The following SEMA5B variants were observed in gnomAD, a reference collection of about 807,000 sequenced individuals.
SEMA5B encodes the protein semaphorin-5B.
A neutral mutation model predicts 135.0 loss-of-function variants in SEMA5B; 66 were observed. The ratio of observed to expected loss-of-function variants is 0.49; its 90% CI spans 0.40 to 0.60. SEMA5B has a LOEUF of 0.60. Ranked by LOEUF, SEMA5B falls within the 20% of genes least tolerant of loss-of-function variation. SEMA5B has a pLI of 0.00. For missense variants in SEMA5B, 1,501 were observed against 1,566.3 expected, an observed-to-expected ratio of 0.96 and a Z score of 0.70; for synonymous variants, 690 against 639.5, an observed-to-expected ratio of 1.08 and a Z score of -1.19.
chr3:122,944,946 A>T (rs566095204), intron 3 of SEMA5B, among the ~76,000 whole-genome samples: 1 of 152,180 alleles, frequency 6.6e-6, no homozygotes, highest in Non-Finnish European at 1.5e-5. Flanking sequence ...TTCTCCCCAC[A>T]GTGCCTTAGC....
At chr3:123,025,626 T>G (rs1242617718) in intron 1 of SEMA5B, among the ~76,000 whole-genome samples, 2 of 152,014 alleles carry the variant, frequency 1.3e-5, no homozygotes, top group Admixed American at 6.6e-5. Flanking sequence ...CCCAAACTGG[T>G]GGTGATAGGT....
chr3:123,013,366 C>T (rs1163755343), intron 1 of SEMA5B, among the ~76,000 whole-genome samples: 1 of 152,204 alleles, frequency 6.6e-6, no homozygotes, highest in Non-Finnish European at 1.5e-5. Context: ...GGCTCCAGCT[C>T]GCTAGTCCAC....
intron 1 of SEMA5B, among the ~76,000 whole-genome samples, chr3:122,981,170 T>C (rs1308337840): frequency 6.6e-6 from 1 of 152,236 alleles, no homozygotes; most frequent in Non-Finnish European, 1.5e-5. Flanking sequence ...CCTCCACGAA[T>C]CCCAGGGGAC....
intron 1 of SEMA5B, among the ~76,000 whole-genome samples, chr3:122,976,332 G>A (rs1044156699): frequency 4.6e-5 from 7 of 152,036 alleles, no homozygotes; most frequent in Admixed American, 1.3e-4. Flanking sequence ...CAGCCCTCCA[G>A]ACTCTATTGC....
At chr3:123,025,615 T>G (rs951152447) in intron 1 of SEMA5B, among the ~76,000 whole-genome samples, 1 of 152,094 alleles carries the variant, frequency 6.6e-6, no homozygotes, top group Non-Finnish European at 1.5e-5. Context: ...TGCCATTCCT[T>G]CCCAAACTGG....
chr3:123,021,432 C>T (rs141818773), intron 1 of SEMA5B, among the ~76,000 whole-genome samples: 26 of 152,342 alleles, frequency 1.7e-4, no homozygotes, highest in South Asian at 2.1e-4. Context: ...CAGCTACTCA[C>T]TACAGATATA....
At chr3:122,966,711 C>A (rs897648872) in intron 1 of SEMA5B, among the ~76,000 whole-genome samples, 1 of 150,466 alleles carries the variant, frequency 6.6e-6, no homozygotes, top group Non-Finnish European at 1.5e-5. Flanking sequence ...CCCGCCACCG[C>A]GCCCAGCTAA....
chr3:122,912,436 G>A, intron 18 of SEMA5B, 94 bp from the exon 19 acceptor site: 5 of 1,213,002 alleles, frequency 4.1e-6, no homozygotes, highest in Non-Finnish European at 4.5e-6. Context: ...TCTGCCCTGA[G>A]CCACAGTGAC....
chr3:122,984,143 T>C (rs76012907), intron 1 of SEMA5B, among the ~76,000 whole-genome samples: 5,850 of 152,282 alleles, frequency 0.038, 295 homozygotes, highest in East Asian at 0.21. Context: ...TCTTCTCTTC[T>C]CCTTCACTGT....
At chr3:122,983,869 G>A (rs974174167) in intron 1 of SEMA5B, among the ~76,000 whole-genome samples, 2 of 152,022 alleles carry the variant, frequency 1.3e-5, no homozygotes, top group Non-Finnish European at 2.9e-5. Flanking sequence ...TAATGTTAGT[G>A]TTGTGATTAT....
intron 1 of SEMA5B, among the ~76,000 whole-genome samples, chr3:122,987,821 T>A (rs1941748672): frequency 6.6e-6 from 1 of 152,170 alleles, no homozygotes; most frequent in African/African-American, 2.4e-5. Context: ...AGTAGTGAGT[T>A]TTGTTGGGGT....
chr3:123,010,964 C>T (rs1417913809), intron 1 of SEMA5B, among the ~76,000 whole-genome samples: 1 of 152,196 alleles, frequency 6.6e-6, no homozygotes, highest in Non-Finnish European at 1.5e-5. Flanking sequence ...GCCACGGGCT[C>T]TCTCACTGAG....
intron 1 of SEMA5B, among the ~76,000 whole-genome samples, chr3:123,003,008 G>A (rs768428450): frequency 3.9e-5 from 6 of 152,090 alleles, no homozygotes; most frequent in Non-Finnish European, 5.9e-5. Context: ...CCCAGTGACC[G>A]TGATAGGTAA....
chr3:123,014,970 A>C (rs1027662949), intron 1 of SEMA5B, among the ~76,000 whole-genome samples: 8 of 152,198 alleles, frequency 5.3e-5, no homozygotes, highest in African/African-American at 1.9e-4. Flanking sequence ...TCCTTATAAA[A>C]AGGAAAAATT....
At chr3:122,994,900 T>C (rs912739557) in intron 1 of SEMA5B, among the ~76,000 whole-genome samples, 1 of 152,218 alleles carries the variant, frequency 6.6e-6, no homozygotes, top group Non-Finnish European at 1.5e-5. Flanking sequence ...TATTTCTTCT[T>C]CTACTGAATC....
At chr3:123,006,005 T>C (rs1942299861) in intron 1 of SEMA5B, among the ~76,000 whole-genome samples, 1 of 152,206 alleles carries the variant, frequency 6.6e-6, no homozygotes, top group Admixed American at 6.5e-5. Flanking sequence ...CTCAACTTCC[T>C]CCTGAGATGG....
At chr3:122,986,627 T>TG (rs1553782998) in intron 1 of SEMA5B, among the ~76,000 whole-genome samples, 1 of 107,274 alleles carries the variant, frequency 9.3e-6, no homozygotes, top group South Asian at 3.4e-4. Context: ...GTGTGTGTGG[T>TG]GTGTAAGTGT....
intron 5 of SEMA5B, among the ~76,000 whole-genome samples, chr3:122,929,281 AC>A (rs1449515069): frequency 6.6e-6 from 1 of 151,974 alleles, no homozygotes; most frequent in African/African-American, 2.4e-5. Context: ...TCAGCCCAAC[AC>A]CCCACTGCCT....
At chr3:122,983,086 C>T (rs1941575220) in intron 1 of SEMA5B, among the ~76,000 whole-genome samples, 2 of 152,216 alleles carry the variant, frequency 1.3e-5, no homozygotes, top group Admixed American at 1.3e-4. Context: ...TCACTGGTGT[C>T]CATTCCCCCA....
Sources: allele counts gnomAD v4.1 joint callset (sites outside exome capture counted in the v4.1 genomes callset), GRCh38; gene constraint gnomAD v4.1.1; transcripts MANE v1.5; gene names NCBI Gene and HGNC (gene_info 2026-07-23, HGNC 2026-07-21).